Variants in EHD4 observed in about 807,000 individuals in gnomAD.
The protein encoded by EHD4 is EH domain-containing protein 4.
In EHD4, 37 loss-of-function variants were observed where a neutral mutation model predicts 51.0. That is an observed-to-expected ratio of 0.73 (90% CI 0.56 to 0.95). The LOEUF (loss-of-function observed/expected upper bound fraction) is 0.95, where lower values mean the gene tolerates loss of function less well. EHD4 is among the 40% of genes least tolerant of loss of function. The pLI, the probability that EHD4 is intolerant of heterozygous loss-of-function variation, is 0.00. For synonymous variants in EHD4, 297 were observed against 317.3 expected (o/e 0.94, Z 0.68); for missense variants, 632 against 733.1 (o/e 0.86, Z 1.59).
chr15:41,963,746 C>T (rs1274977319), intron 1 of EHD4, among the ~76,000 whole-genome samples: 2 of 151,892 alleles, frequency 1.3e-5, no homozygotes, highest in Non-Finnish European at 2.9e-5. Context: ...CATGGAAAAA[C>T]TATTACAAAA....
In EHD4 at chr15:41,972,255, G is replaced by A. The variant is rs1393620124; in HGVS notation, c.236+4C>T. ...GGGAGCCGGGCGAGGGGCGGTGACG[G>A]TACCTGATGAAGGTGGTCTTGCCGG... On this transcript the variant is annotated splice_donor_region_variant and intron_variant, in intron 1 of 5. Coordinates refer to ENST00000220325, the MANE Select transcript of EHD4 (RefSeq NM_139265.4). 3 of 1,555,048 alleles carry A rather than the reference G, an allele frequency of 1.9e-6. No homozygotes were observed. Among genetic ancestry groups the A allele is most frequent in the Non-Finnish European group, 2.6e-6 (3 of 1,150,894 alleles).
intron 2 of EHD4, among the ~76,000 whole-genome samples, chr15:41,945,438 C>T (rs542135559): frequency 7.2e-5 from 11 of 152,326 alleles, no homozygotes; most frequent in Middle Eastern, 3.4e-3. Flanking sequence ...GACGTCACCA[C>T]ATGGCATACA....
In EHD4 at chr15:41,901,142, G is replaced by T; in HGVS notation, c.1129C>A (p.Leu377Met). Residue 377 changes from leucine to methionine, a missense_variant, in exon 6 of 6, where the codon CTG becomes ATG. By Grantham distance (15) the Leu-to-Met change is conservative. Transcript: ENST00000220325. Reference sequence around the variant, plus strand: ...ACTGCCTCGATCAGCTTGGGCTTCAGCGAGTGGAATTTGGTGAAGTCATAG... The same window carrying T: ...ACTGCCTCGATCAGCTTGGGCTTCATCGAGTGGAATTTGGTGAAGTCATAG... ...ENYDFTKFHSLKPKLIEAVDN... is the reference protein window; with the variant it reads ...ENYDFTKFHSMKPKLIEAVDN... The T allele has an allele frequency of 6.4e-7, 1 of 1,573,668 alleles. No individual in the cohort carries two copies. The highest frequency in any genetic ancestry group is 1.7e-4 in the Middle Eastern group (1 of 5,846).
intron 1 of EHD4, among the ~76,000 whole-genome samples, chr15:41,962,086 T>C (rs993370371): frequency 6.6e-6 from 1 of 152,222 alleles, no homozygotes; most frequent in Non-Finnish European, 1.5e-5. Flanking sequence ...AAGAGCTCCA[T>C]AGGACCTGTA....
chr15:41,972,149 C>T lies in EHD4; in HGVS notation c.236+110G>A. ...CCGGGCGCCGAGCTCCGGGAGGGGT[C>T]CCCGAGGTCGCGCCGGCCGGGAGGG... On this transcript the variant is annotated intron_variant, in intron 1 of 5. Transcript: ENST00000220325. 2.6e-6 allele frequency: 3 copies of T among 1,156,258 alleles called. No individual in the cohort carries two copies. The East Asian group carries it at 1.1e-4, about 41-fold the overall frequency. The allele number at this position is 1,156,258 out of a possible 1,614,324, so 71.6% of individuals were successfully genotyped here.
At chr15:41,921,079 C>T (rs1445187678) in intron 3 of EHD4, among the ~76,000 whole-genome samples, 2 of 152,200 alleles carry the variant, frequency 1.3e-5, no homozygotes, top group East Asian at 3.8e-4. Flanking sequence ...AACAAGCAAA[C>T]TGGATTCAGG....
At chr15:41,949,051 T>TATATATATATATACAC (rs1491135423) in intron 2 of EHD4, among the ~76,000 whole-genome samples, 46 of 109,408 alleles carry the variant, frequency 4.2e-4, no homozygotes, top group African/African-American at 1.5e-3. Context: ...TATATATATA[T>TATATATATATATACAC]ACACACATAC....
At chr15:41,942,713 A>C in intron 3 of EHD4, 1 of 213,188 alleles carries the variant, frequency 4.7e-6, no homozygotes, top group Non-Finnish European at 9.6e-6. Context: ...CCCTTAGGTA[A>C]TTCCTACTCC....
intron 1 of EHD4, among the ~76,000 whole-genome samples, chr15:41,970,182 G>C (rs530080122): frequency 6.6e-6 from 1 of 152,256 alleles, no homozygotes; most frequent in South Asian, 2.1e-4. Context: ...CTTCCTCCTA[G>C]CTCCAATCTG....
chr15:41,906,164 ATT>A lies in EHD4; in HGVS notation c.1089+3533_1089+3534del, dbSNP rs558583692. On this transcript the variant is annotated intron_variant, in intron 5 of 5. Transcript: ENST00000220325. ...GACTGGATTGAGAACCTGTCTTTCC[ATT>A]TGGCTGCTTTTCTTTGATTGATCCT... Among the ~76,000 whole-genome samples, 46 of 152,292 alleles carry A rather than the reference ATT, an allele frequency of 3.0e-4. No homozygotes were observed. In the South Asian group the frequency reaches 9.5e-3, roughly 32 times the overall value.
chr15:41,960,490 T>G (rs2067917443), intron 1 of EHD4, among the ~76,000 whole-genome samples: 1 of 152,202 alleles, frequency 6.6e-6, no homozygotes, highest in African/African-American at 2.4e-5. Context: ...GGCTGCATAC[T>G]ATTCTAAGTT....
intron 5 of EHD4, among the ~76,000 whole-genome samples, chr15:41,904,587 C>T (rs937056892): frequency 1.3e-5 from 2 of 152,236 alleles, no homozygotes; most frequent in Non-Finnish European, 2.9e-5. Context: ...AGGCAAAGGT[C>T]AGTTCCCAGC....
chr15:41,914,732 T>G (rs1272871165), intron 4 of EHD4, among the ~76,000 whole-genome samples: 1 of 152,086 alleles, frequency 6.6e-6, no homozygotes, highest in Non-Finnish European at 1.5e-5. Context: ...TCTCACACGC[T>G]TTAGCCTGAA....
chr15:41,952,490 G>C (rs945004105), intron 2 of EHD4, among the ~76,000 whole-genome samples: 3 of 152,132 alleles, frequency 2.0e-5, no homozygotes, highest in African/African-American at 7.2e-5. Context: ...GTAGCAAATA[G>C]GAGGTGCAGG....
intron 5 of EHD4, among the ~76,000 whole-genome samples, chr15:41,907,980 C>A (rs896219575): frequency 1.3e-5 from 2 of 152,058 alleles, no homozygotes; most frequent in Non-Finnish European, 2.9e-5. Flanking sequence ...TCAACAAATT[C>A]TCCTGCCTCA....
chr15:41,961,706 C>T (rs920467757), intron 1 of EHD4, among the ~76,000 whole-genome samples: 11 of 152,120 alleles, frequency 7.2e-5, no homozygotes, highest in African/African-American at 2.4e-4. Flanking sequence ...TAGATAATTT[C>T]TTAATGCAAT....
intron 3 of EHD4, chr15:41,942,279 C>G (rs1475155085): frequency 1.4e-5 from 2 of 147,470 alleles, no homozygotes; most frequent in African/African-American, 5.1e-5. Context: ...CGGAGTTTCG[C>G]TCTTTTGCCC....
Position 41,901,224 on chromosome 15 carries a change from T to G in EHD4, c.1090-43A>C, listed in dbSNP as rs1485399568. The G allele has an allele frequency of 2.0e-6, 3 of 1,503,256 alleles. No individual in the cohort carries two copies. In the South Asian group the frequency reaches 4.0e-5, roughly 20 times the overall value. The allele number at this position is 1,503,256 out of a possible 1,614,324, so 93.1% of individuals were successfully genotyped here. On this transcript the variant is annotated intron_variant, in intron 5 of 5. Transcript: ENST00000220325. ...ACAGGATGGGTTACATGTGGTCTCT[T>G]CAGGGGGAAACAGTTGGGGGCCACT...
chr15:41,972,413 G>A lies in EHD4; in HGVS notation c.82C>T (p.Leu28=). ...ACCTTGCGCAGGTAGAGCGAGCGCA[G>A]CCCGCCCGTCACCGTCTGCACCGCG... The part of the protein sequence containing the change: ...ADAVQTVTGG[L]RSLYLRKVLP... Residue 28 remains leucine (L), a synonymous_variant, in exon 1 of 6, where the codon CTG becomes TTG. Coordinates refer to ENST00000220325, the MANE Select transcript of EHD4 (RefSeq NM_139265.4). The A allele has an allele frequency of 6.2e-7, 1 of 1,608,872 alleles. No individual in the cohort carries two copies. Among genetic ancestry groups the A allele is most frequent in the Non-Finnish European group, 8.5e-7 (1 of 1,178,274 alleles).
Sources: gnomAD v4.1 joint callset for allele counts (sites outside exome capture counted in the v4.1 genomes callset) on GRCh38, gnomAD v4.1.1 for gene constraint, MANE v1.5 for transcripts, NCBI Gene and HGNC (gene_info 2026-07-23, HGNC 2026-07-21) for gene names.